The following SLFN14 variants were observed in gnomAD, a reference collection of about 807,000 sequenced individuals.
The protein encoded by SLFN14 is schlafen family member 14.
In SLFN14, 47 loss-of-function variants were observed where a neutral mutation model predicts 58.6. The ratio of observed to expected loss-of-function variants is 0.80; its 90% CI spans 0.64 to 1.02. SLFN14 has a LOEUF of 1.02. Ranked by LOEUF, SLFN14 falls within the 50% of genes least tolerant of loss-of-function variation. The probability of loss-of-function intolerance (pLI) is 0.00; values close to 1 mark genes in which losing one functional copy is unlikely to be tolerated. For missense variants in SLFN14, 967 were observed against 1,078.4 expected, an observed-to-expected ratio of 0.90 and a Z score of 1.45; for synonymous variants, 390 against 387.3, an observed-to-expected ratio of 1.01 and a Z score of -0.08.
rs148999118 is a variant in SLFN14, at chr17:35,550,264, G to C, written c.1905-1191C>G. Among the ~76,000 whole-genome samples, 95 of 152,320 alleles carry C rather than the reference G, an allele frequency of 6.2e-4. No individual in the cohort carries two copies. The East Asian group carries it at 0.018, about 28-fold the overall frequency. Reference sequence around the variant, plus strand: ...CTCTAGCCTGTTAAAATGGGCATGAGGCCAGGTGCAGTGGCTCACGCCTGT... The same window carrying C: ...CTCTAGCCTGTTAAAATGGGCATGACGCCAGGTGCAGTGGCTCACGCCTGT... On this transcript the variant is annotated intron_variant, in intron 5 of 5. Coordinates refer to ENST00000674182, the MANE Select transcript of SLFN14 (RefSeq NM_001129820.2).
rs894494340 is a variant in SLFN14, at chr17:35,549,038, G to A, written c.1940C>T (p.Thr647Ile). 23 of 1,551,508 alleles carry A rather than the reference G, an allele frequency of 1.5e-5. No homozygotes were observed. The South Asian group carries it at 2.6e-4, about 18-fold the overall frequency. ...QTTCQAVTRK[T>I]FMQGEFLKIK... ...CTTTAGAAACTCCCCTTGCATGAAA[G>A]TTTTCCTGGTCACAGCTTGGCAGGT... Residue 647 changes from threonine to isoleucine, a missense_variant, in exon 6 of 6, where the codon ACT becomes ATT. Coordinates refer to ENST00000674182, the MANE Select transcript of SLFN14 (RefSeq NM_001129820.2).
chr17:35,554,704 G>T lies in SLFN14; in HGVS notation c.1061C>A (p.Ala354Asp). 7.2e-7 allele frequency: 1 copy of T among 1,384,232 alleles called. No individual in the cohort carries two copies. The highest frequency in any genetic ancestry group is 9.4e-7 in the Non-Finnish European group (1 of 1,063,882). The allele number at this position is 1,384,232 out of a possible 1,614,324, so 85.7% of individuals were successfully genotyped here. The change falls in exon 4 of 6, where the codon GCT becomes GAT. Residue 354 changes from alanine to aspartate, a missense_variant and splice_region_variant. By Grantham distance (126) the Ala-to-Asp change is moderately radical. Coordinates refer to ENST00000674182, the MANE Select transcript of SLFN14 (RefSeq NM_001129820.2). The stretch of plus-strand genomic sequence containing the variant: ...GTAGTCTGTGACCAAACTGGGAGGA[G>T]CTAGACAATTACATGGAAAGTTGTT... ...WVVMMLDTQS[A>D]PPSLVTDYNS...
chr17:35,552,154 G>A (rs1310029167), intron 5 of SLFN14, among the ~76,000 whole-genome samples: 2 of 151,954 alleles, frequency 1.3e-5, no homozygotes, highest in South Asian at 2.1e-4. Context: ...CACCCCTCCC[G>A]AGGAAATCTC....
At position 35,557,463 on chromosome 17, in the gene SLFN14, C is replaced by T. The variant is rs1300364927; in HGVS notation, c.600G>A (p.Glu200=). Residue 200 remains glutamate, a synonymous_variant, in exon 3 of 6, where the codon GAG becomes GAA. Coordinates refer to ENST00000674182, the MANE Select transcript of SLFN14 (RefSeq NM_001129820.2). ...GTGTTGACTCAGTAAAGTTGAGTTT[C>T]TCCTTATACATGAGTTTGTCCTTTT... ...FFKKDKLMYK[E]KLNFTESTHV... is the part of the protein sequence containing the mutation. The T allele has an allele frequency of 1.3e-6, 2 of 1,551,574 alleles. No individual in the cohort carries two copies. The highest frequency in any genetic ancestry group is 1.7e-6 in the Non-Finnish European group (2 of 1,146,998).
rs537835583 is a variant in SLFN14, at chr17:35,557,738, C to T, written c.325G>A (p.Val109Met). The change falls in exon 3 of 6, where the codon GTG becomes ATG. Residue 109 changes from valine (V) to methionine (M), a missense_variant. Coordinates refer to ENST00000674182, the MANE Select transcript of SLFN14 (RefSeq NM_001129820.2). ...MQQGHNLLIF[V>M]KSWSPDVFSL... ...AAAACATCTGGGCTCCATGACTTCA[C>T]AAAAATCAGGAGATTGTGCCCCTGC... is the stretch of plus-strand genomic sequence containing the variant. 1 of 1,551,702 alleles carries T rather than the reference C, an allele frequency of 6.4e-7. No individual in the cohort carries two copies. Among genetic ancestry groups the T allele is most frequent in the Admixed American group, 2.0e-5 (1 of 51,006 alleles).
chr17:35,545,323 C>T lies in SLFN14; in HGVS notation c.*2916G>A, dbSNP rs2072526072. Among the ~76,000 whole-genome samples the T allele has an allele frequency of 2.0e-5, 3 of 152,166 alleles. No homozygotes were observed. In the South Asian group the frequency reaches 6.2e-4, roughly 32 times the overall value. The stretch of plus-strand genomic sequence containing the variant: ...TACTGAGCACCTGCCCTGTGTGAGG[C>T]ACTGTACTAGTTGCTCTAGGGGAAA... On this transcript the variant is annotated 3_prime_UTR_variant, in exon 6 of 6. Transcript: ENST00000674182.
Position 35,557,838 on chromosome 17 carries a change from C to A in SLFN14, c.225G>T (p.Gly75=). 6.4e-7 allele frequency: 1 copy of A among 1,551,734 alleles called. No individual in the cohort carries two copies. Among genetic ancestry groups the A allele is most frequent in the Non-Finnish European group, 8.7e-7 (1 of 1,146,992 alleles). Residue 75 remains glycine (G), a synonymous_variant, in exon 3 of 6, where the codon GGG becomes GGT. Coordinates refer to ENST00000674182, the MANE Select transcript of SLFN14 (RefSeq NM_001129820.2). ...AAGAAGTTTCCAAATCCTGTCCCAGCCCATGGCATTGGTAACTATAGGTTT... is the reference window on the plus strand; with the variant it reads ...AAGAAGTTTCCAAATCCTGTCCCAGACCATGGCATTGGTAACTATAGGTTT... ...DDKTYSYQCH[G]LGQDLETSFQ... is the part of the protein sequence containing the mutation.
rs2072518026 is a variant in SLFN14, at chr17:35,544,094, T to C, written c.*4145A>G. On this transcript the variant is annotated 3_prime_UTR_variant, in exon 6 of 6. Transcript: ENST00000674182. ...CTTGGCTCCAGGCCATGAGTTGAGT[T>C]CAAGTTGGATTCACATATCTCAGTG... 6.6e-6 allele frequency among the ~76,000 whole-genome samples: 1 copy of C among 152,224 alleles called. No individual in the cohort carries two copies. The highest frequency in any genetic ancestry group is 2.4e-5 in the African/African-American group (1 of 41,444).
In SLFN14 at chr17:35,548,265, G is replaced by A. The variant is rs9907259; in HGVS notation, c.2713C>T (p.Leu905Phe). The A allele has an allele frequency of 0.05, 76,957 of 1,551,228 alleles. 2,424 individuals carry two copies. The highest frequency in any genetic ancestry group is 0.14 in the African/African-American group (9,924 of 73,098). Residue 905 changes from leucine (L) to phenylalanine (F), a missense_variant, in exon 6 of 6, where the codon CTT becomes TTT. Physicochemically the swap from Leu to Phe is conservative, Grantham distance 22 (BLOSUM62 0). Coordinates refer to ENST00000674182, the MANE Select transcript of SLFN14 (RefSeq NM_001129820.2). ...ASRAIKHLYL[L>F]YEKRAAY is the part of the protein sequence containing the mutation. ...CAGTAGGCTGCCCTCTTTTCATAAA[G>A]CAGGTAGAGGTGTTTAATGGCTCTT...
chr17:35,560,731 T>C (rs565319106), intron 1 of SLFN14, among the ~76,000 whole-genome samples, 36 bp downstream of exon 1: 1 of 149,588 alleles, frequency 6.7e-6, no homozygotes, highest in Non-Finnish European at 1.5e-5. Context: ...ATTAGATAAA[T>C]GAGATATTTT....
At position 35,557,787 on chromosome 17, in the gene SLFN14, T is replaced by G; in HGVS notation, c.276A>C (p.Ser92=). The G allele has an allele frequency of 6.4e-7, 1 of 1,551,738 alleles. No homozygotes were observed. The highest frequency in any genetic ancestry group is 2.4e-5 in the East Asian group (1 of 40,926). ...TSFQKLLPSG[S]QKYLDYMQQG... ...GCTGCATGTAGTCAAGGTATTTCTG[T>G]GAACCTGAAGGAAGGAGCTTTTGAA... Residue 92 remains serine, a synonymous_variant, in exon 3 of 6, where the codon TCA becomes TCC. Transcript: ENST00000674182.
chr17:35,549,139 T>C, intron 5 of SLFN14, 66 bp from the exon 6 acceptor site: 1 of 1,262,586 alleles, frequency 7.9e-7, no homozygotes, highest in South Asian at 1.4e-5. Flanking sequence ...GTCATTACTC[T>C]CTGGAATGGA....
Position 35,557,185 on chromosome 17 carries a change from G to C in SLFN14, c.878C>G (p.Thr293Ser). 1 of 1,551,718 alleles carries C rather than the reference G, an allele frequency of 6.4e-7. No individual in the cohort carries two copies. ...FCCEKPKVNFTTKILNVYQKD... is the reference protein window; with the variant it reads ...FCCEKPKVNFSTKILNVYQKD... ...TTGGTACACATTCAGGATTTTTGTA[G>C]TGAAATTTACCTTTGGCTTCTCACA... is the stretch of plus-strand genomic sequence containing the variant. Residue 293 changes from threonine (T) to serine (S), a missense_variant, in exon 3 of 6, where the codon ACT (threonine) becomes AGT (serine). Transcript: ENST00000674182.
At position 35,548,841 on chromosome 17, in the gene SLFN14, C is replaced by T. The variant is rs1379194857; in HGVS notation, c.2137G>A (p.Val713Ile). The change falls in exon 6 of 6, where the codon GTC (valine) becomes ATC (isoleucine). Residue 713 changes from valine (V) to isoleucine (I), a missense_variant. Val to Ile is a conservative substitution (Grantham distance 29). Coordinates refer to ENST00000674182, the MANE Select transcript of SLFN14 (RefSeq NM_001129820.2). Reference sequence around the variant, plus strand: ...GCAGATGGAGGGGGAAGGCCATTGACATCTGCGTGATGGATTTGAAAAGGG... The same window carrying T: ...GCAGATGGAGGGGGAAGGCCATTGATATCTGCGTGATGGATTTGAAAAGGG... ...LDPFQIHHAD[V>I]NGLPPPSAQF... 1.3e-6 allele frequency: 2 copies of T among 1,551,594 alleles called. No homozygotes were observed. Among genetic ancestry groups the T allele is most frequent in the Admixed American group, 3.9e-5 (2 of 50,992 alleles).
At chr17:35,554,501 C>T (rs1432400020) in intron 4 of SLFN14, 75 bp downstream of exon 4, 2 of 1,315,804 alleles carry the variant, frequency 1.5e-6, no homozygotes, top group Non-Finnish European at 2.0e-6. Context: ...AACACCTGAA[C>T]TCATTACTAC....
rs1423608432 is a variant in SLFN14, at chr17:35,544,459, A to G, written c.*3780T>C. 6.6e-6 allele frequency among the ~76,000 whole-genome samples: 1 copy of G among 152,182 alleles called. No homozygotes were observed. Among genetic ancestry groups the G allele is most frequent in the Non-Finnish European group, 1.5e-5 (1 of 68,026 alleles). On this transcript the variant is annotated 3_prime_UTR_variant, in exon 6 of 6. Transcript: ENST00000674182. The stretch of plus-strand genomic sequence containing the variant: ...CTGTGTGAAAATATTTTTCCATATC[A>G]ACAAAGAATAGAAATAAATAAGCAA...
In SLFN14 at chr17:35,545,512, A is replaced by G. The variant is rs1224028341; in HGVS notation, c.*2727T>C. Among the ~76,000 whole-genome samples, 1 of 152,030 alleles carries G rather than the reference A, an allele frequency of 6.6e-6. No homozygotes were observed. The highest frequency in any genetic ancestry group is 1.5e-5 in the Non-Finnish European group (1 of 67,998). On this transcript the variant is annotated 3_prime_UTR_variant, in exon 6 of 6. Transcript: ENST00000674182. Reference sequence around the variant, plus strand: ...ATTAGAATCATTTGGATTTTTTTTAAGAGATAGAGTCTTGCTCTGTAACCC... The same window carrying G: ...ATTAGAATCATTTGGATTTTTTTTAGGAGATAGAGTCTTGCTCTGTAACCC...
intron 5 of SLFN14, 45 bp downstream of exon 5, chr17:35,552,685 T>C (rs2072606319): frequency 5.0e-6 from 6 of 1,206,610 alleles, no homozygotes; most frequent in African/African-American, 3.2e-5. Context: ...CATATATATA[T>C]ACACATACAT....
rs1294817674 is a variant in SLFN14 at position 35,548,379 on chromosome 17, G to T, written c.2599C>A (p.Gln867Lys). 1.3e-6 allele frequency: 2 copies of T among 1,551,704 alleles called. No homozygotes were observed. The highest frequency in any genetic ancestry group is 1.7e-6 in the Non-Finnish European group (2 of 1,146,986). Residue 867 changes from glutamine to lysine, a missense_variant, in exon 6 of 6, where the codon CAA becomes AAA. Gln to Lys is a moderately conservative substitution (Grantham distance 53). Coordinates refer to ENST00000674182, the MANE Select transcript of SLFN14 (RefSeq NM_001129820.2). ...ACAGTCCTCTCCAGGCCTGAAAATT[G>T]CTGAATACTGTCTAAAACAATGTGA... The part of the protein sequence containing the change: ...GSHIVLDSIQ[Q>K]FSGLERTVVF...
Sources: gnomAD v4.1 joint callset for allele counts (sites outside exome capture counted in the v4.1 genomes callset) on GRCh38, gnomAD v4.1.1 for gene constraint, MANE v1.5 for transcripts, NCBI Gene and HGNC (gene_info 2026-07-23, HGNC 2026-07-21) for gene names.